ERBB4: variants seen among roughly 807,000 people sequenced by gnomAD.
ERBB4 encodes receptor tyrosine-protein kinase erbB-4.
Under a neutral mutation model 158.0 loss-of-function variants are expected in ERBB4, and 42 were observed. The observed-to-expected ratio is 0.27, with a 90% CI of 0.21 to 0.34. The LOEUF (loss-of-function observed/expected upper bound fraction) is 0.34. ERBB4 is among the 10% of genes least tolerant of loss of function. The pLI, the probability that ERBB4 is intolerant of heterozygous loss-of-function variation, is 1.00. For synonymous variants in ERBB4, 583 were observed against 558.7 expected (o/e 1.04, Z -0.61); for missense variants, 1,333 against 1,624.1 (o/e 0.82, Z 3.08).
chr2:211,571,923 C>G (rs538464257), intron 19 of ERBB4, among the ~76,000 whole-genome samples: 41 of 152,056 alleles, frequency 2.7e-4, no homozygotes, highest in Non-Finnish European at 5.3e-4. Flanking sequence ...TACGAGCTTG[C>G]CTGCTTTACT....
chr2:211,956,892 T>C (rs531191287), intron 2 of ERBB4, among the ~76,000 whole-genome samples: 2 of 152,182 alleles, frequency 1.3e-5, no homozygotes, highest in East Asian at 3.9e-4. Flanking sequence ...TGGAGCGCAG[T>C]GGTGTGATCA....
chr2:211,990,479 A>G (rs898891522), intron 2 of ERBB4, among the ~76,000 whole-genome samples: 1 of 151,870 alleles, frequency 6.6e-6, no homozygotes, highest in Admixed American at 6.6e-5. Flanking sequence ...TACTATGTGC[A>G]TATCATTGCA....
intron 1 of ERBB4, among the ~76,000 whole-genome samples, chr2:212,517,700 G>A (rs1451340854): frequency 6.6e-6 from 1 of 151,994 alleles, no homozygotes; most frequent in Non-Finnish European, 1.5e-5. Flanking sequence ...TGAGGCTGTC[G>A]CTTCTCCTTG....
chr2:212,380,456 CTGTGTGTGTGTG>C (rs6147158), intron 1 of ERBB4, among the ~76,000 whole-genome samples: 2 of 143,056 alleles, frequency 1.4e-5, no homozygotes, highest in South Asian at 2.2e-4. Context: ...AGGAATGACT[CTGTGTGTGTGTG>C]TGTGTGTGTG....
At chr2:212,471,157 G>A (rs1689097599) in intron 1 of ERBB4, among the ~76,000 whole-genome samples, 1 of 152,002 alleles carries the variant, frequency 6.6e-6, no homozygotes, top group Admixed American at 6.6e-5. Context: ...TATGATTGAA[G>A]TGGTGCCTTT....
At chr2:211,782,096 G>A (rs2076051377) in intron 4 of ERBB4, among the ~76,000 whole-genome samples, 1 of 152,076 alleles carries the variant, frequency 6.6e-6, no homozygotes, top group African/African-American at 2.4e-5. Context: ...GAAGTAAGGG[G>A]GCCTGGAAGA....
At chr2:212,381,007 AT>A (rs1260043718) in intron 1 of ERBB4, among the ~76,000 whole-genome samples, 1 of 151,412 alleles carries the variant, frequency 6.6e-6, no homozygotes, top group Non-Finnish European at 1.5e-5. Flanking sequence ...TTCAAGTAAA[AT>A]GATTGTTTTT....
intron 1 of ERBB4, among the ~76,000 whole-genome samples, chr2:212,189,079 T>C (rs2082113255): frequency 8.1e-6 from 1 of 124,128 alleles, no homozygotes; most frequent in South Asian, 3.1e-4. Context: ...CTAACTTTTT[T>C]TTTGGGGGGG....
chr2:211,955,589 A>C (rs1435333540), intron 2 of ERBB4, among the ~76,000 whole-genome samples: 1 of 152,154 alleles, frequency 6.6e-6, no homozygotes, highest in Non-Finnish European at 1.5e-5. Flanking sequence ...TGACCTAATT[A>C]GTATATAAAC....
At chr2:211,658,038 AG>A (rs762664348) in intron 15 of ERBB4, 1 of 1,432,040 alleles carries the variant, frequency 7.0e-7, no homozygotes, top group Non-Finnish European at 9.6e-7. Flanking sequence ...GGAAAAAATT[AG>A]TCATTTAAAA....
chr2:211,487,372 A>AT (rs1450842049), intron 20 of ERBB4, among the ~76,000 whole-genome samples: 2 of 96,038 alleles, frequency 2.1e-5, no homozygotes, highest in African/African-American at 9.1e-5. Flanking sequence ...AAATAAATAA[A>AT]AAAATAAATA....
rs969245913 is a variant in ERBB4, at chr2:211,731,932, G to A, written c.623-6738C>T. On this transcript the variant is annotated intron_variant, in intron 5 of 27. Coordinates refer to ENST00000342788, the MANE Select transcript of ERBB4 (RefSeq NM_005235.3). ...CCAGGTAGAAACTAAAAGCCAAGTAGAAAGACTTAAAATAAAGATGTCTGG... is the reference window on the plus strand; with the variant it reads ...CCAGGTAGAAACTAAAAGCCAAGTAAAAAGACTTAAAATAAAGATGTCTGG... Among the ~76,000 whole-genome samples the A allele has an allele frequency of 2.6e-5, 4 of 152,058 alleles. 1 individual carries two copies. In the East Asian group the frequency reaches 7.7e-4, roughly 29 times the overall value.
At chr2:211,781,948 A>G (rs1575140550) in intron 4 of ERBB4, among the ~76,000 whole-genome samples, 1 of 152,056 alleles carries the variant, frequency 6.6e-6, no homozygotes, top group African/African-American at 2.4e-5. Context: ...GCAGTAAGAC[A>G]CTCAGGGTTT....
chr2:212,247,759 T>G (rs547676185), intron 1 of ERBB4, among the ~76,000 whole-genome samples: 39 of 151,928 alleles, frequency 2.6e-4, no homozygotes, highest in African/African-American at 9.2e-4. Context: ...AGGTCAGGAG[T>G]TTGAGACCTG....
chr2:211,974,821 T>C (rs976122714), intron 2 of ERBB4, among the ~76,000 whole-genome samples: 5 of 152,220 alleles, frequency 3.3e-5, no homozygotes, highest in African/African-American at 1.2e-4. Flanking sequence ...GTTTAATGTT[T>C]GCTCATCTAA....
intron 1 of ERBB4, among the ~76,000 whole-genome samples, chr2:212,377,999 A>G (rs2090381921): frequency 6.6e-6 from 1 of 151,584 alleles, no homozygotes; most frequent in Admixed American, 6.6e-5. Context: ...ACACAAACAC[A>G]CATTAGCCTA....
chr2:212,247,976 T>C (rs1040826323), intron 1 of ERBB4, among the ~76,000 whole-genome samples: 6 of 152,034 alleles, frequency 3.9e-5, no homozygotes, highest in African/African-American at 1.4e-4. Context: ...AAATAAAAAA[T>C]AAATAAAAAT....
intron 2 of ERBB4, among the ~76,000 whole-genome samples, chr2:212,120,644 C>T (rs1378348498): frequency 1.3e-5 from 2 of 152,060 alleles, no homozygotes; most frequent in Non-Finnish European, 2.9e-5. Context: ...ACCTCACTAG[C>T]TAGAGATGAA....
intron 1 of ERBB4, among the ~76,000 whole-genome samples, chr2:212,353,936 G>T (rs1441471082): frequency 6.6e-6 from 1 of 152,080 alleles, no homozygotes; most frequent in Non-Finnish European, 1.5e-5. Flanking sequence ...CAGGGACTTG[G>T]GAGTCCACAT....
Sources: gnomAD v4.1 joint callset for allele counts (sites outside exome capture counted in the v4.1 genomes callset) on GRCh38, gnomAD v4.1.1 for gene constraint, MANE v1.5 for transcripts, NCBI Gene and HGNC (gene_info 2026-07-23, HGNC 2026-07-21) for gene names.